The following BCCIP variants were observed in gnomAD, a reference collection of about 807,000 sequenced individuals.
The protein encoded by BCCIP is BRCA2 and CDKN1A-interacting protein.
In BCCIP, 23 loss-of-function variants were observed where a neutral mutation model predicts 32.8. The ratio of observed to expected loss-of-function variants is 0.70; its 90% CI spans 0.51 to 0.99. BCCIP has a LOEUF of 0.99. BCCIP is among the 50% of genes least tolerant of loss of function. BCCIP has a pLI of 0.00. For synonymous variants in BCCIP, 144 were observed against 137.6 expected (o/e 1.05, Z -0.33); for missense variants, 378 against 379.8 (o/e 1.00, Z 0.04).
downstream of BCCIP, among the ~76,000 whole-genome samples, chr10:125,847,474 G>C (rs1329783046): frequency 2.0e-5 from 3 of 152,088 alleles, no homozygotes; most frequent in Non-Finnish European, 4.4e-5. Flanking sequence ...GTAGCATAGG[G>C]AAGAACAAAA....
intron 1 of BCCIP, 67 bp downstream of exon 1, chr10:125,823,789 G>A: frequency 1.3e-6 from 2 of 1,583,548 alleles, no homozygotes; most frequent in Non-Finnish European, 1.7e-6. Context: ...CCCAGGCTGT[G>A]TAAAAATAGT....
rs140059437 is a variant in BCCIP, at chr10:125,850,164, A to G, written c.851-2961A>G. 2.5e-3 allele frequency among the ~76,000 whole-genome samples: 367 copies of G among 148,496 alleles called. 1 individual carries two copies. The highest frequency in any genetic ancestry group is 8.6e-3 in the African/African-American group (347 of 40,214). ...AAAAAAAAAAAAAAAATTTGTAGAGATGGGGTCTTGTTATATTGCCCAGGC... is the reference window on the plus strand; with the variant it reads ...AAAAAAAAAAAAAAAATTTGTAGAGGTGGGGTCTTGTTATATTGCCCAGGC... On this transcript the variant is annotated intron_variant, in intron 7 of 7. Transcript: ENST00000368759.
chr10:125,838,862 G>T, downstream of BCCIP: 26 of 1,028,220 alleles, frequency 2.5e-5, no homozygotes, highest in Non-Finnish European at 3.7e-5. Context: ...GGATACTTAA[G>T]TACCAAATCT....
intron 7 of BCCIP, among the ~76,000 whole-genome samples, chr10:125,848,070 CACTT>C: frequency 6.6e-6 from 1 of 152,300 alleles, no homozygotes; most frequent in East Asian, 1.9e-4. Flanking sequence ...ATGCAGTTAT[CACTT>C]AGGAGGGCTG....
At position 125,836,157 on chromosome 10, in the gene BCCIP, G is replaced by A; in HGVS notation, c.828G>A (p.Leu276=). ...TGCAGGAGGAGAGCGACACTTGTCT[G>A]GGAGGCAAATGGTCTTTTGATGACG... ...YSVQEESDTC[L]GGKWSFDDVP... Residue 276 remains leucine, a synonymous_variant, in exon 7 of 7, where the codon CTG becomes CTA. Coordinates refer to ENST00000278100, the MANE Select transcript of BCCIP (RefSeq NM_078468.3). 3.7e-6 allele frequency: 6 copies of A among 1,614,258 alleles called. No homozygotes were observed. The highest frequency in any genetic ancestry group is 2.5e-6 in the Non-Finnish European group (3 of 1,180,054).
At chr10:125,837,482 C>T (rs991178254), downstream of BCCIP, among the ~76,000 whole-genome samples, 2 of 152,178 alleles carry the variant, frequency 1.3e-5, no homozygotes, top group Admixed American at 6.5e-5. Flanking sequence ...GGCTGGTGTG[C>T]GGTGGTGTGA....
chr10:125,835,235 A>G (rs1488793793), intron 6 of BCCIP, among the ~76,000 whole-genome samples: 1 of 152,158 alleles, frequency 6.6e-6, no homozygotes, highest in East Asian at 1.9e-4. Context: ...CTAAAGCGCT[A>G]CAAATTTAGC....
chr10:125,836,180 A>G lies in BCCIP; in HGVS notation c.851A>G (p.Asp284Gly). The change falls in exon 7 of 7, where the codon GAC (aspartate) becomes GGC (glycine). Residue 284 changes from aspartate (D) to glycine (G), a missense_variant. Transcript: ENST00000278100. ...CTGGGAGGCAAATGGTCTTTTGATG[A>G]CGTACCAATGACGCCCTTGCGAACT... ...TCLGGKWSFD[D>G]VPMTPLRTVM... 2 of 1,614,224 alleles carry G rather than the reference A, an allele frequency of 1.2e-6. No homozygotes were observed. The highest frequency in any genetic ancestry group is 1.7e-5 in the Admixed American group (1 of 60,032).
chr10:125,839,273 G>T, downstream of BCCIP: 1 of 1,403,378 alleles, frequency 7.1e-7, no homozygotes, highest in Non-Finnish European at 9.8e-7. Context: ...CCATCTTTAA[G>T]CCCTGTGCTC....
At chr10:125,851,713 A>G (rs1033106076) in intron 7 of BCCIP, among the ~76,000 whole-genome samples, 1 of 152,158 alleles carries the variant, frequency 6.6e-6, no homozygotes, top group Non-Finnish European at 1.5e-5. Context: ...CAGACATAGG[A>G]CTAGCTCTGA....
At chr10:125,836,579 C>T (rs575071755), downstream of BCCIP, 54 of 1,412,622 alleles carry the variant, frequency 3.8e-5, no homozygotes, top group African/African-American at 2.2e-4. Flanking sequence ...TCTTCAAGAC[C>T]GTCCTGTGGA....
chr10:125,826,309 A>G, intron 1 of BCCIP: 1 of 375,120 alleles, frequency 2.7e-6, no homozygotes, highest in Admixed American at 4.8e-5. Flanking sequence ...AGGCAATTCC[A>G]GGGACTTTTG....
At chr10:125,848,686 T>TTC (rs1359414256) in intron 7 of BCCIP, among the ~76,000 whole-genome samples, 2 of 152,208 alleles carry the variant, frequency 1.3e-5, no homozygotes, top group African/African-American at 4.8e-5. Flanking sequence ...CATTATCTGC[T>TTC]TCTCACACCC....
intron 3 of BCCIP, among the ~76,000 whole-genome samples, chr10:125,830,331 A>G (rs1854492993): frequency 6.6e-6 from 1 of 152,230 alleles, no homozygotes; most frequent in South Asian, 2.1e-4. Flanking sequence ...GAGTCGAGGT[A>G]AAGCGAAATG....
chr10:125,839,251 G>T, downstream of BCCIP: 2 of 1,540,762 alleles, frequency 1.3e-6, no homozygotes, highest in Non-Finnish European at 1.8e-6. Flanking sequence ...AAGAGCCCAG[G>T]CCAGGCAGTT....
intron 3 of BCCIP, among the ~76,000 whole-genome samples, chr10:125,830,180 G>C (rs1257351501): frequency 6.6e-6 from 1 of 152,192 alleles, no homozygotes; most frequent in Non-Finnish European, 1.5e-5. Flanking sequence ...CAGCCTAATT[G>C]TGTAGAAAAC....
downstream of BCCIP, among the ~76,000 whole-genome samples, chr10:125,843,148 CAGGATTTATGAGCCACT>C (rs1854927683): frequency 6.6e-6 from 1 of 152,056 alleles, no homozygotes; most frequent in South Asian, 2.1e-4. Flanking sequence ...CCCAAAACTG[CAGGATTTATGAGCCACT>C]AGGTTGGTTT....
downstream of BCCIP, chr10:125,838,394 G>A (rs367939455): frequency 1.9e-5 from 30 of 1,552,784 alleles, no homozygotes; most frequent in East Asian, 4.6e-4. Flanking sequence ...CAATCTGAAA[G>A]GCAGAATTTT....
Position 125,841,923 on chromosome 10 carries a change from A to G in BCCIP, c.*564A>G, listed in dbSNP as rs905003463. ...TCTAAGTCTTCCAATGCCTGCATCA[A>G]ACTTTCTGGTGCTAGGAAAGGAAAA... On this transcript the variant is annotated 3_prime_UTR_variant, in exon 7 of 7. Transcript: ENST00000299130. The G allele has an allele frequency of 3.1e-6, 5 of 1,592,768 alleles. No individual in the cohort carries two copies. The African/African-American group carries it at 6.8e-5, about 22-fold the overall frequency.
Sources: gnomAD v4.1 joint callset for allele counts (sites outside exome capture counted in the v4.1 genomes callset) on GRCh38, gnomAD v4.1.1 for gene constraint, MANE v1.5 for transcripts, NCBI Gene and HGNC (gene_info 2026-07-23, HGNC 2026-07-21) for gene names.